Variants in OSBPL2 observed in about 807,000 individuals in gnomAD.
The protein encoded by OSBPL2 is oxysterol binding protein like 2, also known as oxysterol-binding protein-related protein 2.
OSBPL2 carries 18 observed loss-of-function variants against 58.4 expected under a neutral mutation model. That is an observed-to-expected ratio of 0.31 (90% CI 0.21 to 0.46). The LOEUF is 0.46. OSBPL2 is among the 20% of genes least tolerant of loss of function. The pLI is 1.00. For synonymous variants in OSBPL2, 221 were observed against 234.1 expected, an observed-to-expected ratio of 0.94 and a Z score of 0.51; for missense variants, 461 against 616.5, an observed-to-expected ratio of 0.75 and a Z score of 2.67.
At chr20:62,278,761 C>A in intron 6 of OSBPL2, 1 of 180,634 alleles carries the variant, frequency 5.5e-6, no homozygotes. Flanking sequence ...AACGTTAGGC[C>A]GAGTGCGATG....
intron 13 of OSBPL2, among the ~76,000 whole-genome samples, chr20:62,293,238 C>G (rs1197717435): frequency 6.6e-6 from 1 of 152,058 alleles, no homozygotes; most frequent in Non-Finnish European, 1.5e-5. Context: ...AAGAAAATGT[C>G]TTCTCCTTTG....
At chr20:62,248,387 C>T (rs6062167) in intron 1 of OSBPL2, among the ~76,000 whole-genome samples, 130,188 of 151,462 alleles carry the variant, frequency 0.86, 56,820 homozygotes, top group East Asian at 0.98. Context: ...AACTCCTGAC[C>T]TCAGGTGATC....
intron 3 of OSBPL2, among the ~76,000 whole-genome samples, chr20:62,262,366 T>C (rs548776420): frequency 1.3e-5 from 2 of 152,324 alleles, no homozygotes; most frequent in Admixed American, 1.3e-4. Context: ...TCCCTTGGCC[T>C]GGGGCCTCTT....
At position 62,269,547 on chromosome 20, in the gene OSBPL2, G is replaced by A. The variant is rs561581068; in HGVS notation, c.259-2578G>A. On this transcript the variant is annotated intron_variant, in intron 4 of 13. Coordinates refer to ENST00000313733, the MANE Select transcript of OSBPL2 (RefSeq NM_144498.4). The surrounding 1 kb of genome is among the most constrained non-coding windows in gnomAD (Gnocchi z 4.2). The stretch of plus-strand genomic sequence containing the variant: ...TCTCTCCTCTCCTGAGCAAGGCAGC[G>A]TCTCCCCCATGCTCAGGGCTGCCAC... Among the ~76,000 whole-genome samples the A allele has an allele frequency of 6.6e-6, 1 of 152,164 alleles. No homozygotes were observed. The highest frequency in any genetic ancestry group is 2.4e-5 in the African/African-American group (1 of 41,420).
intron 4 of OSBPL2, among the ~76,000 whole-genome samples, chr20:62,268,967 G>A (rs1029513479): frequency 1.3e-5 from 2 of 151,790 alleles, no homozygotes; most frequent in African/African-American, 4.8e-5. Flanking sequence ...TGAGGCAGGC[G>A]AATCGCTTGA....
chr20:62,284,308 C>A, intron 10 of OSBPL2, 139 bp downstream of exon 10: 2 of 906,298 alleles, frequency 2.2e-6, no homozygotes, highest in Non-Finnish European at 1.7e-6. Flanking sequence ...CAGAATTTGT[C>A]TGTCCAGATG....
rs1003123583 is a variant in OSBPL2, at chr20:62,295,562, A to G, written c.*1675A>G. 4 of 152,138 alleles carry G rather than the reference A, an allele frequency of 2.6e-5. No individual in the cohort carries two copies. The highest frequency in any genetic ancestry group is 7.2e-5 in the African/African-American group (3 of 41,422). 9.4% of individuals were successfully genotyped at this position (152,138 alleles called of 1,614,324 possible). A position where few individuals can be genotyped will look rare whatever the true frequency, so the allele number is the denominator to read the frequency against. On this transcript the variant is annotated 3_prime_UTR_variant, in exon 14 of 14. Transcript: ENST00000313733. This position sits in a 1 kb window ranked among gnomAD's most constrained non-coding sequence, Gnocchi z 4.8. ...GAGTCCTGTGTCATCCTCGGGGCCT[A>G]TGAGCTCCGTACCAGCCACTCAAAA...
intron 12 of OSBPL2, among the ~76,000 whole-genome samples, chr20:62,290,379 G>A (rs906867109): frequency 1.3e-5 from 2 of 149,194 alleles, no homozygotes; most frequent in African/African-American, 4.9e-5. Context: ...GGGACTACAA[G>A]TGCATGCCAC....
At chr20:62,258,269 C>T (rs941699588) in intron 2 of OSBPL2, among the ~76,000 whole-genome samples, 1 of 152,234 alleles carries the variant, frequency 6.6e-6, no homozygotes, top group African/African-American at 2.4e-5. Context: ...ACCACTTCAT[C>T]TCTTTATGCG....
chr20:62,272,078 G>T, intron 4 of OSBPL2, 47 bp from the exon 5 acceptor site: 1 of 1,609,096 alleles, frequency 6.2e-7, no homozygotes, highest in Non-Finnish European at 8.5e-7. Flanking sequence ...CAGCCCAGCG[G>T]TGTCAGGAAG....
intron 2 of OSBPL2, 124 bp downstream of exon 2, chr20:62,256,345 G>A (rs181123147): frequency 1.0e-4 from 80 of 783,334 alleles, no homozygotes; most frequent in South Asian, 9.3e-4. Flanking sequence ...GAGCGTTCAC[G>A]ATCCCAAACA....
intron 1 of OSBPL2, among the ~76,000 whole-genome samples, 178 bp downstream of exon 1, chr20:62,238,775 C>G (rs1045355387): frequency 6.6e-6 from 1 of 151,510 alleles, no homozygotes; most frequent in Non-Finnish European, 1.5e-5. Context: ...CACTGGGAGG[C>G]GCGCCCGGCC....
chr20:62,279,549 G>A (rs1054107174), intron 7 of OSBPL2: 6 of 570,402 alleles, frequency 1.1e-5, no homozygotes, highest in Middle Eastern at 4.7e-4. Context: ...GTTGGAATTC[G>A]CCCCCCTTTC....
chr20:62,288,637 C>A lies in OSBPL2; in HGVS notation c.1126-570C>A, dbSNP rs993977523. On this transcript the variant is annotated intron_variant, in intron 11 of 13. Transcript: ENST00000313733. This position sits in a 1 kb window ranked among gnomAD's most constrained non-coding sequence, Gnocchi z 4.8. ...GTGGGTGCAGGGTGCTGCCGCAGGC[C>A]TGCTCGGGTGTGCTGTCCACAAGAC... 2.0e-5 allele frequency among the ~76,000 whole-genome samples: 3 copies of A among 152,104 alleles called. No homozygotes were observed. Among genetic ancestry groups the A allele is most frequent in the African/African-American group, 7.2e-5 (3 of 41,396 alleles).
chr20:62,286,766 T>C, intron 11 of OSBPL2, 55 bp downstream of exon 11: 2 of 1,568,962 alleles, frequency 1.3e-6, no homozygotes, highest in South Asian at 2.3e-5. Context: ...CACCCACCTC[T>C]GGGCCCAGCC....
At chr20:62,278,753 C>G (rs1180872967) in intron 6 of OSBPL2, 4 of 184,760 alleles carry the variant, frequency 2.2e-5, no homozygotes, top group African/African-American at 1.1e-4. Flanking sequence ...GTGTTGCCAA[C>G]GTTAGGCCGA....
chr20:62,256,458 A>G (rs1980930336), intron 2 of OSBPL2, among the ~76,000 whole-genome samples: 1 of 151,972 alleles, frequency 6.6e-6, no homozygotes, highest in South Asian at 2.1e-4. Context: ...GGGTGCGGAT[A>G]TTTTCATTTG....
intron 1 of OSBPL2, among the ~76,000 whole-genome samples, chr20:62,247,632 A>T (rs1271347144): frequency 1.3e-5 from 2 of 149,796 alleles, no homozygotes; most frequent in Admixed American, 1.3e-4. Flanking sequence ...AAATGGAAGT[A>T]GTGTTGGATG....
intron 6 of OSBPL2, 150 bp downstream of exon 6, chr20:62,273,556 C>T (rs557544683): frequency 2.5e-5 from 17 of 671,852 alleles, no homozygotes; most frequent in Admixed American, 1.9e-4. Context: ...ATGCTGTAGG[C>T]GAGATGTTTC....
Sources: gnomAD v4.1 joint callset for allele counts (sites outside exome capture counted in the v4.1 genomes callset) on GRCh38, gnomAD v4.1.1 for gene constraint, Gnocchi (gnomAD v3.1) non-coding constraint, MANE v1.5 for transcripts, NCBI Gene and HGNC (gene_info 2026-07-23, HGNC 2026-07-21) for gene names.